The following INSL6 variants were observed in gnomAD, a reference collection of about 807,000 sequenced individuals.
The protein encoded by INSL6 is insulin like 6.
In INSL6, 16 loss-of-function variants were observed where a neutral mutation model predicts 9.4. The ratio of observed to expected loss-of-function variants is 1.70; its 90% CI spans 1.15 to 2.59. The LOEUF (loss-of-function observed/expected upper bound fraction) is 2.59, where lower values mean the gene tolerates loss of function less well. Among genes scored for constraint, INSL6 ranks in the 30% most tolerant of loss-of-function variants. The probability of loss-of-function intolerance (pLI) is 0.00; values close to 1 mark genes in which losing one functional copy is unlikely to be tolerated. For missense variants in INSL6, 391 were observed against 257.3 expected (o/e 1.52, Z -3.56); for synonymous variants, 154 against 96.9 (o/e 1.59, Z -3.46).
intron 1 of INSL6, 42 bp downstream of exon 1, chr9:5,185,272 T>C (rs767660840): frequency 1.9e-5 from 31 of 1,612,644 alleles, no homozygotes; most frequent in Middle Eastern, 3.3e-4. Flanking sequence ...GAATAAGAAA[T>C]ATACAGAGGT....
At chr9:5,089,924 A>G in the INSL6 span, 2 of 1,152,014 alleles carry the variant, frequency 1.7e-6, no homozygotes, top group African/African-American at 1.6e-5. Context: ...CCTGTGTAAT[A>G]TAAATGTACA....
In INSL6 at chr9:5,158,081, G is replaced by C. The variant is rs542496724; in HGVS notation, c.376+6098C>G. ...TGAAGATTGCATCAGTCTCTTAATAGCAGACTTGATCAAGCAGAAGAAACA... is the reference window on the plus strand; with the variant it reads ...TGAAGATTGCATCAGTCTCTTAATACCAGACTTGATCAAGCAGAAGAAACA... On this transcript the variant is annotated intron_variant, in intron 2 of 3. Transcript: ENST00000649639. Among the ~76,000 whole-genome samples the C allele has an allele frequency of 4.6e-5, 7 of 152,200 alleles. No homozygotes were observed. The East Asian group carries it at 1.3e-3, about 29-fold the overall frequency.
the INSL6 span, among the ~76,000 whole-genome samples, chr9:5,060,361 ATTGT>A: frequency 6.6e-6 from 1 of 152,164 alleles, no homozygotes; most frequent in African/African-American, 2.4e-5. Flanking sequence ...AGCATGTGAC[ATTGT>A]TTGGTAACAT....
the INSL6 span, chr9:5,054,418 G>T: frequency 1.1e-5 from 7 of 612,232 alleles, no homozygotes; most frequent in Admixed American, 6.0e-5. This position sits in a 1 kb window ranked among gnomAD's most constrained non-coding sequence, Gnocchi z 4.9. Flanking sequence ...ATGGATGGGG[G>T]TTATGTCAAC....
chr9:5,009,600 GT>G, the INSL6 span, among the ~76,000 whole-genome samples: 4 of 151,950 alleles, frequency 2.6e-5, no homozygotes, highest in African/African-American at 9.7e-5. Flanking sequence ...GGGGTCAGTT[GT>G]TTTCTGGTCC....
chr9:5,133,897 C>G (rs1441245243), intron 2 of INSL6, among the ~76,000 whole-genome samples: 2 of 150,596 alleles, frequency 1.3e-5, no homozygotes, highest in Non-Finnish European at 2.9e-5. Context: ...ACAAACTCCT[C>G]TGAGCTAAAG....
chr9:5,163,154 T>G (rs147765083), downstream of INSL6, among the ~76,000 whole-genome samples: 1 of 152,200 alleles, frequency 6.6e-6, no homozygotes, highest in African/African-American at 2.4e-5. Context: ...CCCCCATACC[T>G]ACAGTTTCTG....
At chr9:5,107,101 T>C in the INSL6 span, among the ~76,000 whole-genome samples, 6 of 152,184 alleles carry the variant, frequency 3.9e-5, no homozygotes, top group African/African-American at 1.4e-4. Flanking sequence ...ATGTTGACAC[T>C]TTGTAGATGT....
intron 2 of INSL6, among the ~76,000 whole-genome samples, chr9:5,148,654 T>A (rs1450691407): frequency 6.6e-6 from 1 of 152,156 alleles, no homozygotes; most frequent in East Asian, 1.9e-4. Flanking sequence ...CCTGAGAGTG[T>A]GGGCTCCTTC....
intron 1 of INSL6, among the ~76,000 whole-genome samples, chr9:5,168,623 G>T (rs1825109302): frequency 6.6e-6 from 1 of 151,790 alleles, no homozygotes; most frequent in East Asian, 1.9e-4. Flanking sequence ...ACCTGAACAA[G>T]ACGGGGAGAA....
chr9:5,170,286 G>T (rs893772597), intron 1 of INSL6, among the ~76,000 whole-genome samples: 67 of 152,128 alleles, frequency 4.4e-4, no homozygotes, highest in African/African-American at 1.4e-3. Context: ...CAGAAATCAA[G>T]AAGTTCTTTG....
At chr9:5,100,327 T>G in the INSL6 span, 2 of 152,182 alleles carry the variant, frequency 1.3e-5, no homozygotes, top group African/African-American at 4.8e-5. Context: ...ACATCTGGCC[T>G]GGCCATGTGA....
the INSL6 span, among the ~76,000 whole-genome samples, chr9:5,025,784 G>A: frequency 5.9e-5 from 9 of 151,838 alleles, no homozygotes; most frequent in Non-Finnish European, 7.4e-5. Context: ...CACCTGCCTC[G>A]GCCTCTCAAA....
intron 2 of INSL6, among the ~76,000 whole-genome samples, chr9:5,147,666 T>TTC (rs34527733): frequency 0.37 from 55,782 of 151,998 alleles, 11,257 homozygotes; most frequent in African/African-American, 0.56. Flanking sequence ...AAGTTTCTTA[T>TTC]TCTCTTTCTC....
chr9:5,030,503 C>G, the INSL6 span, among the ~76,000 whole-genome samples: 1 of 151,976 alleles, frequency 6.6e-6, no homozygotes, highest in Admixed American at 6.6e-5. Context: ...TATAATTCAT[C>G]ATAACTTCAT....
In INSL6 at chr9:5,185,367, T is replaced by A; in HGVS notation, c.236A>T (p.Gln79Leu). ...SEKVEAYSPYQFESPQTASPA... is the reference protein window; with the variant it reads ...SEKVEAYSPYLFESPQTASPA... ...GGAAGCGGTTTGCGGGCTTTCGAACTGGTATGGGCTGTAGGCTTCGACCTT... is the reference window on the plus strand; with the variant it reads ...GGAAGCGGTTTGCGGGCTTTCGAACAGGTATGGGCTGTAGGCTTCGACCTT... The change falls in exon 1 of 2, where the codon CAG becomes CTG. Residue 79 changes from glutamine to leucine, a missense_variant. By Grantham distance (113) the Gln-to-Leu change is moderately radical. Coordinates refer to ENST00000381641, the MANE Select transcript of INSL6 (RefSeq NM_007179.3). 4 of 1,614,124 alleles carry A rather than the reference T, an allele frequency of 2.5e-6. No individual in the cohort carries two copies. The highest frequency in any genetic ancestry group is 3.4e-6 in the Non-Finnish European group (4 of 1,180,006).
At chr9:5,157,997 A>G (rs982607978) in intron 2 of INSL6, among the ~76,000 whole-genome samples, 1 of 152,202 alleles carries the variant, frequency 6.6e-6, no homozygotes, top group Admixed American at 6.5e-5. Context: ...TTTAACAAAG[A>G]AATTGAAATA....
chr9:5,142,494 T>C (rs1187647305), intron 2 of INSL6, among the ~76,000 whole-genome samples: 1 of 152,236 alleles, frequency 6.6e-6, no homozygotes, highest in Non-Finnish European at 1.5e-5. Flanking sequence ...GATTTGGCTC[T>C]CAACTTGAGG....
the INSL6 span, among the ~76,000 whole-genome samples, chr9:5,062,439 A>C: frequency 1.3e-5 from 2 of 149,830 alleles, no homozygotes; most frequent in African/African-American, 5.0e-5. Context: ...ATGCTATTGG[A>C]AAAATTGCAC....
Sources: allele counts gnomAD v4.1 joint callset (sites outside exome capture counted in the v4.1 genomes callset), GRCh38; gene constraint gnomAD v4.1.1; non-coding constraint Gnocchi (gnomAD v3.1); transcripts MANE v1.5; gene names NCBI Gene and HGNC (gene_info 2026-07-23, HGNC 2026-07-21).